FRAS1: variants seen among roughly 807,000 people sequenced by gnomAD.
FRAS1 encodes the protein extracellular matrix organizing protein FRAS1.
In FRAS1, 290 loss-of-function variants were observed where a neutral mutation model predicts 435.2. The ratio of observed to expected loss-of-function variants is 0.67; its 90% CI spans 0.61 to 0.73. The LOEUF is 0.73. Ranked by LOEUF, FRAS1 falls within the 30% of genes least tolerant of loss-of-function variation. The pLI is 0.00. For missense variants in FRAS1, 4,860 were observed against 5,001.5 expected (o/e 0.97, Z 0.85); for synonymous variants, 1,800 against 1,851.0 (o/e 0.97, Z 0.71).
At chr4:78,199,257 A>G (rs908670359) in intron 2 of FRAS1, among the ~76,000 whole-genome samples, 1 of 152,300 alleles carries the variant, frequency 6.6e-6, no homozygotes, top group East Asian at 1.9e-4. Flanking sequence ...AAAATGACAA[A>G]TGAGTTCTAT....
intron 35 of FRAS1, among the ~76,000 whole-genome samples, chr4:78,427,202 T>A (rs961210598): frequency 1.3e-5 from 2 of 152,142 alleles, no homozygotes; most frequent in African/African-American, 4.8e-5. Context: ...CTGGTGGCTT[T>A]CTAAAAAGAG....
At position 78,478,007 on chromosome 4, in the gene FRAS1, A is replaced by G. The variant is rs763207743; in HGVS notation, c.8044A>G (p.Ile2682Val). 1 of 1,607,320 alleles carries G rather than the reference A, an allele frequency of 6.2e-7. No individual in the cohort carries two copies. Among genetic ancestry groups the G allele is most frequent in the Non-Finnish European group, 8.5e-7 (1 of 1,176,792 alleles). ...DEPTLEFDKK[I>V]YWVNESAGFL... ...ACCCACATTAGAGTTTGACAAGAAG[A>G]TCTACTGGGTTAACGAGAGCGCTGG... Residue 2682 changes from isoleucine (I) to valine (V), a missense_variant, in exon 55 of 74, where the codon ATC (isoleucine) becomes GTC (valine). Transcript: ENST00000512123.
chr4:78,302,868 C>A (rs963448602), intron 14 of FRAS1, among the ~76,000 whole-genome samples: 5 of 152,144 alleles, frequency 3.3e-5, no homozygotes, highest in African/African-American at 1.2e-4. Flanking sequence ...TTAATTAGAT[C>A]CTATTTGTCA....
intron 14 of FRAS1, among the ~76,000 whole-genome samples, chr4:78,304,275 T>C (rs2110212602): frequency 6.6e-6 from 1 of 152,322 alleles, no homozygotes. Flanking sequence ...TTATTGAGTA[T>C]TTTTGCATCA....
chr4:78,286,506 G>A lies in FRAS1; in HGVS notation c.1501G>A (p.Asp501Asn). ...RHGQCVPTCG[D>N]GFYQDRHSCA... The stretch of plus-strand genomic sequence containing the variant: ...CGGGCAGTGTGTGCCTACCTGTGGG[G>A]ACGGCTTCTACCAAGATCGCCATTC... The change falls in exon 14 of 74, where the codon GAC becomes AAC. Residue 501 changes from aspartate (D) to asparagine (N), a missense_variant. Coordinates refer to ENST00000512123, the MANE Select transcript of FRAS1 (RefSeq NM_025074.7). The A allele has an allele frequency of 6.2e-7, 1 of 1,613,460 alleles. No homozygotes were observed. Among genetic ancestry groups the A allele is most frequent in the South Asian group, 1.1e-5 (1 of 91,064 alleles).
At chr4:78,266,244 C>T (rs1449323278) in intron 7 of FRAS1, among the ~76,000 whole-genome samples, 1 of 152,196 alleles carries the variant, frequency 6.6e-6, no homozygotes, top group African/African-American at 2.4e-5. Context: ...TTGGCATTTG[C>T]CCTTCATCTT....
In FRAS1 at chr4:78,295,987, T is replaced by A. The variant is rs141976155; in HGVS notation, c.1534+9448T>A. On this transcript the variant is annotated intron_variant, in intron 14 of 73. Coordinates refer to ENST00000512123, the MANE Select transcript of FRAS1 (RefSeq NM_025074.7). ...AGGCTGGTCTTGAACTCGTGACCTC[T>A]AGTGATCCACCCGCGTTGGCCTCCC... 1.9e-3 allele frequency among the ~76,000 whole-genome samples: 295 copies of A among 151,958 alleles called. 2 individuals are homozygous for A. The highest frequency in any genetic ancestry group is 6.7e-3 in the African/African-American group (279 of 41,438).
chr4:78,541,272 G>A lies in FRAS1; in HGVS notation c.*148G>A, dbSNP rs997941696. The A allele has an allele frequency of 4.5e-6, 2 of 444,184 alleles. No homozygotes were observed. The highest frequency in any genetic ancestry group is 7.7e-6 in the Non-Finnish European group (2 of 259,664). The allele number at this position is 444,184 out of a possible 1,614,324, so 27.5% of individuals were successfully genotyped here. ...ACATCACATGCATCAACTCACAACT[G>A]AGCTACCTCATTCAGCAAAGAACCA... On this transcript the variant is annotated 3_prime_UTR_variant, in exon 74 of 74. Transcript: ENST00000512123.
intron 2 of FRAS1, among the ~76,000 whole-genome samples, chr4:78,124,839 A>T (rs371694274): frequency 6.6e-6 from 1 of 151,710 alleles, no homozygotes; most frequent in Non-Finnish European, 1.5e-5. Context: ...ATCAATTTTT[A>T]TGTTTCTTTT....
intron 47 of FRAS1, among the ~76,000 whole-genome samples, chr4:78,461,094 TATTA>T (rs1327397683): frequency 9.2e-5 from 14 of 152,206 alleles, no homozygotes; most frequent in Non-Finnish European, 1.9e-4. Context: ...TAAATGATAA[TATTA>T]AAACCCATCA....
chr4:78,416,290 C>T (rs554915826), intron 32 of FRAS1, among the ~76,000 whole-genome samples: 79 of 151,840 alleles, frequency 5.2e-4, no homozygotes, highest in African/African-American at 1.7e-3. Context: ...GGGTAGAGTG[C>T]GTGATGTGAT....
At chr4:78,512,709 A>G (rs1335648395) in intron 64 of FRAS1, among the ~76,000 whole-genome samples, 3 of 152,236 alleles carry the variant, frequency 2.0e-5, no homozygotes, top group Admixed American at 6.5e-5. Context: ...GCCAATATAA[A>G]TAAGTTACAG....
intron 9 of FRAS1, 61 bp downstream of exon 9, chr4:78,267,493 G>A: frequency 2.0e-6 from 3 of 1,488,240 alleles, no homozygotes; most frequent in Non-Finnish European, 9.2e-7. Context: ...GATAGTGAGG[G>A]GTCCTGCCTG....
intron 31 of FRAS1, among the ~76,000 whole-genome samples, chr4:78,411,343 A>G (rs1056324197): frequency 1.4e-4 from 21 of 152,060 alleles, no homozygotes; most frequent in Admixed American, 1.0e-3. Context: ...AACTCCTGAC[A>G]TCAAGTGATC....
chr4:78,092,841 C>T (rs575706806), intron 2 of FRAS1, among the ~76,000 whole-genome samples: 1 of 152,324 alleles, frequency 6.6e-6, no homozygotes, highest in South Asian at 2.1e-4. Context: ...TATTTGAAGA[C>T]TTCAGAGTAA....
intron 6 of FRAS1, among the ~76,000 whole-genome samples, chr4:78,264,433 C>T (rs1474378946): frequency 1.3e-5 from 2 of 152,122 alleles, no homozygotes; most frequent in Admixed American, 1.3e-4. Flanking sequence ...CTCTCCAATG[C>T]ACATATAAAT....
chr4:78,530,322 A>G (rs866065261), intron 70 of FRAS1, among the ~76,000 whole-genome samples: 2 of 152,044 alleles, frequency 1.3e-5, no homozygotes, highest in Non-Finnish European at 2.9e-5. Flanking sequence ...CAGAGGAAGA[A>G]TGTTGCTGAG....
rs1207827937 is a variant in FRAS1, at chr4:78,248,629, A to G, written c.309+3304A>G. On this transcript the variant is annotated intron_variant, in intron 4 of 73. Coordinates refer to ENST00000512123, the MANE Select transcript of FRAS1 (RefSeq NM_025074.7). ...TCTTCAGCCTTGTTCTCCTCAAAGT[A>G]GAGGATGTAATTATAATATGCACTG... Among the ~76,000 whole-genome samples, 3 of 152,208 alleles carry G rather than the reference A, an allele frequency of 2.0e-5. No individual in the cohort carries two copies. In the East Asian group the frequency reaches 5.8e-4, roughly 29 times the overall value.
chr4:78,187,535 A>G (rs1722324024), intron 2 of FRAS1, among the ~76,000 whole-genome samples: 1 of 152,122 alleles, frequency 6.6e-6, no homozygotes, highest in South Asian at 2.1e-4. Context: ...AATTAAGACT[A>G]TTGCCCCTCA....
Sources: gnomAD v4.1 joint callset for allele counts (sites outside exome capture counted in the v4.1 genomes callset) on GRCh38, gnomAD v4.1.1 for gene constraint, MANE v1.5 for transcripts, NCBI Gene and HGNC (gene_info 2026-07-23, HGNC 2026-07-21) for gene names.